The following GTF3C6 variants were observed in gnomAD, a reference collection of about 807,000 sequenced individuals.
The protein encoded by GTF3C6 is general transcription factor IIIC subunit 6.
A neutral mutation model predicts 19.2 loss-of-function variants in GTF3C6; 11 were observed. That is an observed-to-expected ratio of 0.57 (90% CI 0.36 to 0.95). The LOEUF (loss-of-function observed/expected upper bound fraction) is 0.95. Among genes scored for constraint, GTF3C6 ranks in the 40% least tolerant of loss-of-function variants. The pLI, the probability that GTF3C6 is intolerant of heterozygous loss-of-function variation, is 0.01. For missense variants in GTF3C6, 222 were observed against 254.7 expected, an observed-to-expected ratio of 0.87 and a Z score of 0.87; for synonymous variants, 87 against 84.2, an observed-to-expected ratio of 1.03 and a Z score of -0.18.
At chr6:110,963,137 T>A (rs200376422) in intron 5 of GTF3C6, among the ~76,000 whole-genome samples, 2 of 152,130 alleles carry the variant, frequency 1.3e-5, no homozygotes, top group Non-Finnish European at 2.9e-5. Context: ...AGGCTGGTCT[T>A]AAACTCCTGA....
intron 5 of GTF3C6, 147 bp downstream of exon 5, chr6:110,962,652 G>A: frequency 3.6e-6 from 2 of 551,748 alleles, no homozygotes; most frequent in Non-Finnish European, 6.6e-6. Context: ...ACCCAGGCTG[G>A]AATGCACTGG....
chr6:110,958,887 TG>T, intron 1 of GTF3C6, 61 bp downstream of exon 1: 13 of 1,513,994 alleles, frequency 8.6e-6, no homozygotes, highest in Non-Finnish European at 1.2e-5. Context: ...GCTGGCTGTG[TG>T]TGGGGAAGGG....
rs1771247488 is a variant in GTF3C6 at position 110,967,616 on chromosome 6, C to T, written c.468C>T (p.Ala156=). Reference sequence around the variant, plus strand: ...AAGACGAAGAAGTGGTAGCTTCAGCCCCAGATAAATCTTTGGAATTGGAAG... The same window carrying T: ...AAGACGAAGAAGTGGTAGCTTCAGCTCCAGATAAATCTTTGGAATTGGAAG... The part of the protein sequence containing the change: ...ENEDEEVVAS[A]PDKSLELEEE... The change falls in exon 6 of 6, where the codon GCC becomes GCT. Residue 156 remains alanine (A), a synonymous_variant. Coordinates refer to ENST00000329970, the MANE Select transcript of GTF3C6 (RefSeq NM_138408.4). The T allele has an allele frequency of 1.9e-6, 3 of 1,613,890 alleles. No individual in the cohort carries two copies. Among genetic ancestry groups the T allele is most frequent in the East Asian group, 2.2e-5 (1 of 44,880 alleles).
At chr6:110,963,733 G>A (rs1771193789) in intron 5 of GTF3C6, among the ~76,000 whole-genome samples, 3 of 139,790 alleles carry the variant, frequency 2.1e-5, no homozygotes, top group Non-Finnish European at 3.0e-5. Flanking sequence ...AGACAGTCTC[G>A]CTCTGTCACT....
chr6:110,958,878 C>A (rs768988377), intron 1 of GTF3C6, 52 bp downstream of exon 1: 8 of 1,529,260 alleles, frequency 5.2e-6, no homozygotes, highest in East Asian at 4.9e-5. Flanking sequence ...GATGCCTGTG[C>A]TGGCTGTGTG....
chr6:110,963,066 C>T (rs148338391), intron 5 of GTF3C6, among the ~76,000 whole-genome samples: 2,958 of 152,124 alleles, frequency 0.019, 85 homozygotes, highest in African/African-American at 0.068. Flanking sequence ...CGTGAGCCAC[C>T]GGTGCCTGGC....
At chr6:110,959,552 G>T (rs1771131306) in intron 2 of GTF3C6, among the ~76,000 whole-genome samples, 1 of 152,108 alleles carries the variant, frequency 6.6e-6, no homozygotes, top group African/African-American at 2.4e-5. Flanking sequence ...ATATGGAACC[G>T]TACATATATT....
chr6:110,959,013 G>C (rs1430850867), intron 1 of GTF3C6, 159 bp from the exon 2 acceptor site: 1 of 820,936 alleles, frequency 1.2e-6, no homozygotes, highest in African/African-American at 1.7e-5. Context: ...CCCCGTACTT[G>C]GGATGGGAAG....
chr6:110,965,839 C>CTT (rs1022390533), intron 5 of GTF3C6, among the ~76,000 whole-genome samples: 1 of 152,182 alleles, frequency 6.6e-6, no homozygotes, highest in Non-Finnish European at 1.5e-5. Flanking sequence ...CAGCTTAAAA[C>CTT]AACAACAAAA....
chr6:110,962,515 A>C lies in GTF3C6; in HGVS notation c.361+10A>C, dbSNP rs9374228. 0.22 allele frequency: 313,592 copies of C among 1,439,312 alleles called. 41,410 individuals carry two copies. Among genetic ancestry groups the C allele is most frequent in the East Asian group, 0.66 (29,182 of 44,084 alleles). 89.2% of individuals were successfully genotyped at this position (1,439,312 alleles called of 1,614,324 possible). On this transcript the variant is annotated intron_variant, in intron 5 of 5. Coordinates refer to ENST00000329970, the MANE Select transcript of GTF3C6 (RefSeq NM_138408.4). ...GGAGAAGAAAACATAGGTTAGTTCC[A>C]TTATTCTCTGAAAACAGGTGATCCA...
intron 5 of GTF3C6, among the ~76,000 whole-genome samples, chr6:110,966,032 T>C (rs1343255871): frequency 6.6e-6 from 1 of 152,214 alleles, no homozygotes; most frequent in Non-Finnish European, 1.5e-5. Context: ...GTTTTGGTTG[T>C]TGGCAGGAGG....
At position 110,960,626 on chromosome 6, in the gene GTF3C6, T is replaced by TGCTA; in HGVS notation, c.247+13_247+16dup. 3 of 1,606,408 alleles carry TGCTA rather than the reference T, an allele frequency of 1.9e-6. No individual in the cohort carries two copies. Among genetic ancestry groups the TGCTA allele is most frequent in the Non-Finnish European group, 2.6e-6 (3 of 1,173,030 alleles). On this transcript the variant is annotated intron_variant, in intron 4 of 5. Transcript: ENST00000329970. ...GAAAATGTTGAACATGGTAAGTGAT[T>TGCTA]GCTAGCCCAGCCCTTTTTAATACGA...
chr6:110,965,303 C>G (rs1771216928), intron 5 of GTF3C6, among the ~76,000 whole-genome samples: 1 of 152,090 alleles, frequency 6.6e-6, no homozygotes, highest in Admixed American at 6.6e-5. Context: ...TTGCTAGTCA[C>G]CACATACTAG....
chr6:110,962,691 C>T (rs949966977), intron 5 of GTF3C6, among the ~76,000 whole-genome samples, 186 bp downstream of exon 5: 1 of 152,226 alleles, frequency 6.6e-6, no homozygotes, highest in Non-Finnish European at 1.5e-5. Flanking sequence ...CCACCTCCGC[C>T]TCCTGGGCTC....
intron 5 of GTF3C6, among the ~76,000 whole-genome samples, chr6:110,964,672 T>TA (rs1257831681): frequency 1.4e-5 from 2 of 145,038 alleles, no homozygotes; most frequent in Non-Finnish European, 1.5e-5. Context: ...GACAGAGTCT[T>TA]ACTCCATCCC....
In GTF3C6 at chr6:110,959,152, A is replaced by ACC. The variant is rs771513846; in HGVS notation, c.58-17_58-16dup. 2 of 1,562,304 alleles carry ACC rather than the reference A, an allele frequency of 1.3e-6. No homozygotes were observed. The highest frequency in any genetic ancestry group is 2.2e-5 in the South Asian group (2 of 89,982). On this transcript the variant is annotated intron_variant, in intron 1 of 5. Transcript: ENST00000329970. ...TGGCCGCTCGCGTGCTAGCATGTTA[A>ACC]CCCCTCTTTCTTTCACCAGGAGCAG...
intron 4 of GTF3C6, among the ~76,000 whole-genome samples, chr6:110,961,626 C>T (rs1379072376): frequency 6.6e-6 from 1 of 152,206 alleles, no homozygotes; most frequent in Non-Finnish European, 1.5e-5. Flanking sequence ...CAACTCCAGG[C>T]AGCAGGTTGG....
rs767320399 is a variant in GTF3C6 at position 110,959,159 on chromosome 6, T to C, written c.58-13T>C. Reference sequence around the variant, plus strand: ...TCGCGTGCTAGCATGTTAACCCCTCTTTCTTTCACCAGGAGCAGTTGGTTC... The same window carrying C: ...TCGCGTGCTAGCATGTTAACCCCTCCTTCTTTCACCAGGAGCAGTTGGTTC... On this transcript the variant is annotated splice_polypyrimidine_tract_variant and intron_variant, in intron 1 of 5. Coordinates refer to ENST00000329970, the MANE Select transcript of GTF3C6 (RefSeq NM_138408.4). 1 of 1,594,984 alleles carries C rather than the reference T, an allele frequency of 6.3e-7. No homozygotes were observed. Among genetic ancestry groups the C allele is most frequent in the Non-Finnish European group, 8.6e-7 (1 of 1,162,752 alleles).
intron 3 of GTF3C6, 43 bp from the exon 4 acceptor site, chr6:110,960,529 A>T: frequency 6.2e-7 from 1 of 1,610,588 alleles, no homozygotes; most frequent in Non-Finnish European, 8.5e-7. Context: ...CTTTTCAGAG[A>T]TGGTAGCTCT....
Sources: gnomAD v4.1 joint callset for allele counts (sites outside exome capture counted in the v4.1 genomes callset) on GRCh38, gnomAD v4.1.1 for gene constraint, MANE v1.5 for transcripts, NCBI Gene and HGNC (gene_info 2026-07-23, HGNC 2026-07-21) for gene names.